The following AMMECR1 variants were observed in gnomAD, a reference collection of about 807,000 sequenced individuals.
AMMECR1 encodes nuclear protein AMMECR1.
Under a neutral mutation model 22.5 loss-of-function variants are expected in AMMECR1, and 3 were observed. The ratio of observed to expected loss-of-function variants is 0.13; its 90% CI spans 0.06 to 0.35. The LOEUF (loss-of-function observed/expected upper bound fraction) is 0.35. AMMECR1 is among the 10% of genes least tolerant of loss of function. The pLI, the probability that AMMECR1 is intolerant of heterozygous loss-of-function variation, is 1.00. For synonymous variants in AMMECR1, 130 were observed against 116.7 expected, an observed-to-expected ratio of 1.11 and a Z score of -0.74; for missense variants, 235 against 278.7, an observed-to-expected ratio of 0.84 and a Z score of 1.12.
chrX:110,288,997 C>G (rs1445920931), intron 1 of AMMECR1, among the ~76,000 whole-genome samples: 3 of 112,003 alleles, frequency 2.7e-5, no homozygotes, highest in Non-Finnish European at 5.6e-5. Flanking sequence ...CAACAGCTCT[C>G]TAAACAAAAC....
intron 1 of AMMECR1, among the ~76,000 whole-genome samples, chrX:110,310,247 T>C (rs2068017704): frequency 8.9e-6 from 1 of 111,991 alleles, no homozygotes; most frequent in Non-Finnish European, 1.9e-5. Context: ...GCCCAACCAT[T>C]TGTTTCTTCC....
chrX:110,293,132 T>C (rs1240035261), intron 1 of AMMECR1, among the ~76,000 whole-genome samples: 1 of 112,420 alleles, frequency 8.9e-6, no homozygotes, highest in Non-Finnish European at 1.9e-5. Flanking sequence ...TAAATTCTAG[T>C]AGTATATGCA....
intron 2 of AMMECR1, among the ~76,000 whole-genome samples, chrX:110,240,911 G>A (rs1052355771): frequency 1.8e-5 from 2 of 112,012 alleles, no homozygotes; most frequent in African/African-American, 6.5e-5. Flanking sequence ...TAGAACTCAG[G>A]ATTAAGAAAC....
chrX:110,233,658 G>A (rs2067582943), intron 2 of AMMECR1, among the ~76,000 whole-genome samples: 1 of 112,283 alleles, frequency 8.9e-6, no homozygotes, highest in Non-Finnish European at 1.9e-5. Context: ...TCATCCCTGA[G>A]ATGCAAGGCT....
intron 2 of AMMECR1, among the ~76,000 whole-genome samples, chrX:110,374,704 C>T (rs922147677): frequency 7.2e-5 from 8 of 111,179 alleles, no homozygotes; most frequent in Non-Finnish European, 1.3e-4. Context: ...AATTTATTTT[C>T]GGTGGAGGGT....
intron 2 of AMMECR1, among the ~76,000 whole-genome samples, chrX:110,423,328 CAAA>C (rs764253802): frequency 1.6e-5 from 1 of 60,768 alleles, no homozygotes. Flanking sequence ...AACTCGGTCT[CAAA>C]AAAAAAAAAA....
At chrX:110,360,889 C>A (rs1024271992) in intron 2 of AMMECR1, among the ~76,000 whole-genome samples, 4 of 111,551 alleles carry the variant, frequency 3.6e-5, no homozygotes, top group African/African-American at 1.3e-4. Context: ...GGACTGACTT[C>A]TGGAGTTGAA....
At chrX:110,302,062 T>C in intron 1 of AMMECR1, among the ~76,000 whole-genome samples, 1 of 111,696 alleles carries the variant, frequency 9.0e-6, no homozygotes, top group Non-Finnish European at 1.9e-5. Flanking sequence ...CCATCTTGAA[T>C]ACAGCTACAT....
intron 2 of AMMECR1, among the ~76,000 whole-genome samples, chrX:110,349,653 G>A (rs768537350): frequency 2.7e-5 from 3 of 111,993 alleles, no homozygotes; most frequent in East Asian, 2.8e-4. Context: ...TGGAGTTTAC[G>A]ATGGTGTCAG....
chrX:110,388,752 G>A (rs181871079), intron 2 of AMMECR1, among the ~76,000 whole-genome samples: 1 of 111,811 alleles, frequency 8.9e-6, no homozygotes, highest in East Asian at 2.8e-4. Context: ...TGATGCTGAT[G>A]CTCCTGGTCC....
At chrX:110,325,593 GTATTCTCT>G (rs1382580670) in intron 2 of AMMECR1, among the ~76,000 whole-genome samples, 1 of 112,095 alleles carries the variant, frequency 8.9e-6, no homozygotes, top group Non-Finnish European at 1.9e-5. Flanking sequence ...AATGCTCATA[GTATTCTCT>G]TATAATTCCC....
At chrX:110,248,808 C>A (rs1173929239) in intron 2 of AMMECR1, among the ~76,000 whole-genome samples, 1 of 112,034 alleles carries the variant, frequency 8.9e-6, no homozygotes, top group Non-Finnish European at 1.9e-5. Context: ...ATCCTTCCCC[C>A]GAGGCTCTCT....
intron 2 of AMMECR1, among the ~76,000 whole-genome samples, chrX:110,216,977 G>C (rs1265989011): frequency 1.8e-5 from 2 of 110,307 alleles, no homozygotes; most frequent in Non-Finnish European, 3.8e-5. Context: ...AACTAGACTA[G>C]TGGAAACTTG....
intron 2 of AMMECR1, among the ~76,000 whole-genome samples, chrX:110,342,023 C>T (rs768290435): frequency 2.7e-5 from 3 of 110,045 alleles, no homozygotes; most frequent in East Asian, 2.9e-4. Flanking sequence ...CGTGCCACTG[C>T]GTTCCAGCCT....
chrX:110,394,503 T>C (rs112425348), intron 2 of AMMECR1, among the ~76,000 whole-genome samples: 2 of 112,672 alleles, frequency 1.8e-5, no homozygotes, highest in Non-Finnish European at 3.7e-5. Context: ...TGGTGATATT[T>C]TTGTGACCAG....
intron 2 of AMMECR1, among the ~76,000 whole-genome samples, chrX:110,352,755 T>C (rs1239205169): frequency 8.9e-6 from 1 of 112,463 alleles, no homozygotes; most frequent in Non-Finnish European, 1.9e-5. Context: ...CACCTTGAAT[T>C]ACTCATGCAG....
At chrX:110,296,444 C>T (rs756807471) in intron 1 of AMMECR1, among the ~76,000 whole-genome samples, 5 of 111,919 alleles carry the variant, frequency 4.5e-5, no homozygotes, top group African/African-American at 1.6e-4. Flanking sequence ...TCATCAAATT[C>T]GGGAAGTTTT....
intron 2 of AMMECR1, among the ~76,000 whole-genome samples, chrX:110,339,666 T>C (rs1309881903): frequency 2.7e-5 from 3 of 109,380 alleles, no homozygotes; most frequent in African/African-American, 1.0e-4. Context: ...CCGGCTAATT[T>C]TGTATTTTTA....
intron 2 of AMMECR1, among the ~76,000 whole-genome samples, chrX:110,257,182 T>G (rs1355195757): frequency 8.9e-6 from 1 of 112,436 alleles, no homozygotes; most frequent in Non-Finnish European, 1.9e-5. Context: ...GTGTTCTAAC[T>G]TAGCTTTACC....
Sources: gnomAD v4.1 joint callset for allele counts (sites outside exome capture counted in the v4.1 genomes callset) on GRCh38, gnomAD v4.1.1 for gene constraint, MANE v1.5 for transcripts, NCBI Gene and HGNC (gene_info 2026-07-23, HGNC 2026-07-21) for gene names.